The following NPAS3 variants were observed in gnomAD, a reference collection of about 807,000 sequenced individuals.
The protein encoded by NPAS3 is neuronal PAS domain-containing protein 3.
NPAS3 carries 14 observed loss-of-function variants against 73.1 expected under a neutral mutation model. The observed-to-expected ratio is 0.19, with a 90% CI of 0.13 to 0.30. NPAS3 has a LOEUF of 0.30. Among genes scored for constraint, NPAS3 ranks in the 10% least tolerant of loss-of-function variants. The pLI is 1.00. For synonymous variants in NPAS3, 620 were observed against 541.5 expected (o/e 1.14, Z -2.01); for missense variants, 1,096 against 1,250.0 (o/e 0.88, Z 1.86).
intron 3 of NPAS3, among the ~76,000 whole-genome samples, chr14:33,361,581 A>G (rs991376854): frequency 8.5e-5 from 13 of 152,202 alleles, no homozygotes; most frequent in African/African-American, 2.9e-4. Context: ...ATTTTACCCA[A>G]TGCAGTCAAC....
chr14:33,705,220 G>A (rs2060624285), intron 6 of NPAS3, among the ~76,000 whole-genome samples: 1 of 152,172 alleles, frequency 6.6e-6, no homozygotes, highest in Non-Finnish European at 1.5e-5. Context: ...CCTACCAGGA[G>A]GGAAAAGGGG....
intron 3 of NPAS3, among the ~76,000 whole-genome samples, chr14:33,357,675 T>C (rs2045402103): frequency 6.6e-6 from 1 of 152,290 alleles, no homozygotes; most frequent in South Asian, 2.1e-4. Context: ...CACAAGTATT[T>C]ATTGTGTGCC....
intron 2 of NPAS3, among the ~76,000 whole-genome samples, chr14:33,098,061 A>T (rs1460279187): frequency 6.6e-6 from 1 of 152,168 alleles, no homozygotes; most frequent in Admixed American, 6.5e-5. Flanking sequence ...CTATTTAAGA[A>T]GTTATTGTCT....
intron 3 of NPAS3, among the ~76,000 whole-genome samples, chr14:33,340,361 G>T (rs1038249041): frequency 1.3e-5 from 2 of 152,142 alleles, no homozygotes; most frequent in African/African-American, 2.4e-5. Flanking sequence ...CGGGTGTGGT[G>T]GTGGGCGCCT....
At chr14:33,049,707 A>G (rs1047562579) in intron 1 of NPAS3, among the ~76,000 whole-genome samples, 1 of 152,218 alleles carries the variant, frequency 6.6e-6, no homozygotes. Flanking sequence ...TCAATGTCAT[A>G]TAGCTAGTAG....
chr14:33,002,460 G>A (rs1262835762), intron 1 of NPAS3, among the ~76,000 whole-genome samples: 3 of 152,162 alleles, frequency 2.0e-5, no homozygotes, highest in Admixed American at 6.5e-5. Context: ...ATGGTTGTTT[G>A]TAGGATCCTG....
chr14:33,141,383 C>T (rs867454501), intron 2 of NPAS3, among the ~76,000 whole-genome samples: 18 of 152,250 alleles, frequency 1.2e-4, no homozygotes, highest in African/African-American at 3.6e-4. Flanking sequence ...TGAATTGGCA[C>T]GCTGGCCTCC....
intron 6 of NPAS3, among the ~76,000 whole-genome samples, chr14:33,727,800 A>T (rs1307749667): frequency 6.6e-6 from 1 of 152,178 alleles, no homozygotes; most frequent in Non-Finnish European, 1.5e-5. Flanking sequence ...GCAGCATCGC[A>T]GGAGGACATG....
rs28539075 is a variant in NPAS3 at position 33,768,572 on chromosome 14, T to C, written c.853-5765T>C. 1.0e-2 allele frequency among the ~76,000 whole-genome samples: 1,521 copies of C among 152,262 alleles called. 34 individuals are homozygous for C. Among genetic ancestry groups the C allele is most frequent in the African/African-American group, 0.035 (1,437 of 41,544 alleles). On this transcript the variant is annotated intron_variant, in intron 7 of 11. Coordinates refer to ENST00000356141, the Ensembl canonical transcript of NPAS3. ...TGTAAAGGAGGAGGTGGGGTAATGC[T>C]ACAGCACAGGAAGTGCCACTCCATT... is the stretch of plus-strand genomic sequence containing the variant.
chr14:33,663,192 A>ATAT (rs2059359137), intron 5 of NPAS3, among the ~76,000 whole-genome samples: 1 of 152,068 alleles, frequency 6.6e-6, no homozygotes, highest in Non-Finnish European at 1.5e-5. Context: ...ATTCAGTGTG[A>ATAT]TATTGGCTGT....
chr14:33,421,370 GA>G (rs1441836981), intron 4 of NPAS3, among the ~76,000 whole-genome samples: 5 of 151,806 alleles, frequency 3.3e-5, no homozygotes, highest in African/African-American at 7.3e-5. Context: ...TTTGCCTAGT[GA>G]AAAAAATAAT....
chr14:33,448,861 T>A (rs1594929182), intron 4 of NPAS3, among the ~76,000 whole-genome samples: 1 of 152,096 alleles, frequency 6.6e-6, no homozygotes, highest in African/African-American at 2.4e-5. Context: ...CCAGCCTGAG[T>A]GAGCAGGCCA....
At chr14:33,150,969 A>G (rs1041940239) in intron 2 of NPAS3, among the ~76,000 whole-genome samples, 4 of 152,142 alleles carry the variant, frequency 2.6e-5, no homozygotes, top group Admixed American at 2.6e-4. Flanking sequence ...CCACTTCTTG[A>G]TTTGTTTTTA....
intron 2 of NPAS3, among the ~76,000 whole-genome samples, chr14:33,074,741 C>T (rs1229873505): frequency 6.6e-6 from 1 of 152,142 alleles, no homozygotes; most frequent in African/African-American, 2.4e-5. Flanking sequence ...AAAGGCAGAT[C>T]CCATCGCTAC....
intron 4 of NPAS3, among the ~76,000 whole-genome samples, chr14:33,531,873 T>G (rs955162620): frequency 6.6e-6 from 1 of 152,096 alleles, no homozygotes; most frequent in Non-Finnish European, 1.5e-5. Flanking sequence ...TTCTGATAGG[T>G]GTGTGCTGGT....
At chr14:33,024,628 G>A (rs904254754) in intron 1 of NPAS3, among the ~76,000 whole-genome samples, 1 of 152,152 alleles carries the variant, frequency 6.6e-6, no homozygotes, top group Non-Finnish European at 1.5e-5. Context: ...ATAATGTTAA[G>A]TGAAAACATT....
intron 2 of NPAS3, among the ~76,000 whole-genome samples, chr14:33,160,432 T>A (rs17100284): frequency 0.063 from 8,960 of 141,476 alleles, 280 homozygotes; most frequent in Middle Eastern, 0.092. Context: ...TTTGATTAAC[T>A]GTGCCAAAGA....
intron 7 of NPAS3, 85 bp downstream of exon 7, chr14:33,735,417 C>T (rs1432249921): frequency 1.1e-6 from 1 of 922,820 alleles, no homozygotes; most frequent in African/African-American, 1.6e-5. Flanking sequence ...GCTTTAGGTC[C>T]ATATAATGAA....
At chr14:33,687,936 T>C (rs1426276458) in intron 6 of NPAS3, among the ~76,000 whole-genome samples, 2 of 152,248 alleles carry the variant, frequency 1.3e-5, no homozygotes, top group African/African-American at 4.8e-5. Flanking sequence ...CTCCATTTTA[T>C]ACACGCTAGG....
Sources: allele counts gnomAD v4.1 joint callset (sites outside exome capture counted in the v4.1 genomes callset), GRCh38; gene constraint gnomAD v4.1.1; transcripts MANE v1.5; gene names NCBI Gene and HGNC (gene_info 2026-07-23, HGNC 2026-07-21).